LDB2: variants seen among roughly 807,000 people sequenced by gnomAD.
LDB2 encodes the protein LIM domain binding 2.
Under a neutral mutation model 44.3 loss-of-function variants are expected in LDB2, and 12 were observed. That is an observed-to-expected ratio of 0.27 (90% CI 0.17 to 0.44). The LOEUF (loss-of-function observed/expected upper bound fraction) is 0.44, where lower values mean the gene tolerates loss of function less well. LDB2 is among the 20% of genes least tolerant of loss of function. The probability of loss-of-function intolerance (pLI) is 1.00; values close to 1 mark genes in which losing one functional copy is unlikely to be tolerated. For synonymous variants in LDB2, 164 were observed against 174.8 expected, an observed-to-expected ratio of 0.94 and a Z score of 0.49; for missense variants, 344 against 473.5, an observed-to-expected ratio of 0.73 and a Z score of 2.54.
chr4:16,674,162 C>T (rs887648427), intron 2 of LDB2: 50 of 1,025,832 alleles, frequency 4.9e-5, no homozygotes, highest in Middle Eastern at 2.4e-4. Flanking sequence ...CCAGAATTCA[C>T]GCCTTAAAAC....
chr4:16,686,551 A>G (rs1012268252), intron 2 of LDB2, among the ~76,000 whole-genome samples: 3 of 152,232 alleles, frequency 2.0e-5, no homozygotes, highest in Non-Finnish European at 4.4e-5. Context: ...GAGGCAGAGA[A>G]TCTGAAAACA....
chr4:16,584,020 C>A (rs1313840465), intron 5 of LDB2, among the ~76,000 whole-genome samples: 1 of 152,168 alleles, frequency 6.6e-6, no homozygotes, highest in South Asian at 2.1e-4. Flanking sequence ...TAAATAGCTA[C>A]TGAATCACGA....
At position 16,582,005 on chromosome 4, in the gene LDB2, GGAAGGAA is replaced by G. The variant is rs1203651883; in HGVS notation, c.615+3910_615+3916del. On this transcript the variant is annotated intron_variant, in intron 5 of 7. Coordinates refer to ENST00000304523, the MANE Select transcript of LDB2 (RefSeq NM_001290.5). This position sits in a 1 kb window ranked among gnomAD's most constrained non-coding sequence, Gnocchi z 4.8. ...AAGGGAAGGAAGGGAAGGAAGGGAA[GGAAGGAA>G]GGAAGGAAGGAAGGAAGGAAGGAAG... 2.2e-4 allele frequency among the ~76,000 whole-genome samples: 6 copies of G among 27,610 alleles called. No individual in the cohort carries two copies. Among genetic ancestry groups the G allele is most frequent in the Admixed American group, 1.0e-3 (3 of 2,930 alleles). The allele number at this position is 27,610 out of a possible 152,430, so 18.1% of individuals were successfully genotyped here. A position where few individuals can be genotyped will look rare whatever the true frequency, so the allele number is the denominator to read the frequency against.
In LDB2 at chr4:16,502,537, C is replaced by G. The variant is rs933155585; in HGVS notation, c.*106G>C. On this transcript the variant is annotated 3_prime_UTR_variant, in exon 8 of 8. Coordinates refer to ENST00000304523, the MANE Select transcript of LDB2 (RefSeq NM_001290.5). ...ATTGTGGTTTAGAAATAGATATTTG[C>G]ATGGAAAAGTTTTTATCTCTTCTGT... The G allele has an allele frequency of 5.0e-6, 7 of 1,395,294 alleles. No homozygotes were observed. In the South Asian group the frequency reaches 7.7e-5, roughly 15 times the overall value. The allele number at this position is 1,395,294 out of a possible 1,614,324, so 86.4% of individuals were successfully genotyped here. A position where few individuals can be genotyped will look rare whatever the true frequency, so the allele number is the denominator to read the frequency against.
chr4:16,817,796 A>G (rs1263250688), intron 1 of LDB2, among the ~76,000 whole-genome samples: 1 of 152,178 alleles, frequency 6.6e-6, no homozygotes, highest in East Asian at 1.9e-4. Context: ...TATCGAGCGC[A>G]AGGAGTCAAT....
At chr4:16,888,106 G>A (rs562386599) in intron 1 of LDB2, among the ~76,000 whole-genome samples, 3 of 152,184 alleles carry the variant, frequency 2.0e-5, no homozygotes, top group Non-Finnish European at 2.9e-5. Context: ...TCAGGCTTCT[G>A]ACCAGTGCTG....
intron 2 of LDB2, among the ~76,000 whole-genome samples, chr4:16,740,973 C>T (rs1763128310): frequency 6.6e-6 from 1 of 152,206 alleles, no homozygotes; most frequent in Admixed American, 6.5e-5. Flanking sequence ...AGTAATGCAA[C>T]TTGTGGACAT....
intron 1 of LDB2, among the ~76,000 whole-genome samples, chr4:16,870,262 C>T (rs927971939): frequency 6.6e-6 from 1 of 152,106 alleles, no homozygotes; most frequent in East Asian, 1.9e-4. Flanking sequence ...CAACAGGACT[C>T]GCTGCATTCA....
chr4:16,512,474 C>CA (rs925217400), intron 5 of LDB2, among the ~76,000 whole-genome samples: 11 of 151,420 alleles, frequency 7.3e-5, no homozygotes, highest in African/African-American at 1.7e-4. Context: ...AACAAACAAA[C>CA]AAAAAAAACC....
At position 16,890,736 on chromosome 4, in the gene LDB2, C is replaced by A. The variant is rs188572558; in HGVS notation, c.132+7618G>T. On this transcript the variant is annotated intron_variant, in intron 1 of 7. Transcript: ENST00000304523. ...TGTCTGGTAAAGGAGAACCAGAATG[C>A]GTGCATCTCAGGCTTTGGGGGTGGA... Among the ~76,000 whole-genome samples, 5 of 152,270 alleles carry A rather than the reference C, an allele frequency of 3.3e-5. No individual in the cohort carries two copies. In the South Asian group the frequency reaches 8.3e-4, roughly 25 times the overall value.
chr4:16,526,491 TCAGC>T (rs1435115445), intron 5 of LDB2, among the ~76,000 whole-genome samples: 1 of 152,224 alleles, frequency 6.6e-6, no homozygotes, highest in Non-Finnish European at 1.5e-5. Context: ...GCAGAACTCC[TCAGC>T]CTCTGTCATC....
chr4:16,535,509 C>T (rs1019179709), intron 5 of LDB2, among the ~76,000 whole-genome samples: 8 of 152,178 alleles, frequency 5.3e-5, no homozygotes, highest in East Asian at 1.9e-4. Flanking sequence ...GACATAGTCC[C>T]TTCCTTCAAG....
At chr4:16,806,976 G>C (rs1169405420) in intron 1 of LDB2, among the ~76,000 whole-genome samples, 1 of 152,160 alleles carries the variant, frequency 6.6e-6, no homozygotes, top group Non-Finnish European at 1.5e-5. Context: ...ATTATTAGTA[G>C]TATTTTTGCG....
intron 1 of LDB2, among the ~76,000 whole-genome samples, chr4:16,788,385 T>C (rs1774956793): frequency 6.6e-6 from 1 of 152,178 alleles, no homozygotes; most frequent in Non-Finnish European, 1.5e-5. Flanking sequence ...AAGCAACCCT[T>C]GGCAACATAA....
chr4:16,771,262 G>C (rs535839933), intron 1 of LDB2, among the ~76,000 whole-genome samples: 7 of 152,100 alleles, frequency 4.6e-5, no homozygotes, highest in African/African-American at 1.2e-4. Flanking sequence ...AAAAATTTTT[G>C]TTCACAAAGA....
intron 1 of LDB2, among the ~76,000 whole-genome samples, chr4:16,819,081 GT>G (rs1273309947): frequency 7.9e-6 from 1 of 127,034 alleles, no homozygotes; most frequent in Non-Finnish European, 1.6e-5. Context: ...TTTCGTTTCA[GT>G]TGTGGTTGCT....
chr4:16,692,110 T>C (rs1212413987), intron 2 of LDB2, among the ~76,000 whole-genome samples: 1 of 151,284 alleles, frequency 6.6e-6, no homozygotes, highest in Non-Finnish European at 1.5e-5. Context: ...CTTTGATTCA[T>C]CACGAGGCAA....
intron 1 of LDB2, among the ~76,000 whole-genome samples, chr4:16,809,090 A>T (rs1779301864): frequency 6.6e-6 from 1 of 152,316 alleles, no homozygotes; most frequent in African/African-American, 2.4e-5. Flanking sequence ...TCAGGCTGAA[A>T]GTCTAAGATC....
At chr4:16,811,602 G>T (rs1372691315) in intron 1 of LDB2, among the ~76,000 whole-genome samples, 1 of 152,164 alleles carries the variant, frequency 6.6e-6, no homozygotes, top group East Asian at 1.9e-4. Context: ...TGTAAATGTA[G>T]TTTATCTAAC....
Sources: gnomAD v4.1 joint callset for allele counts (sites outside exome capture counted in the v4.1 genomes callset) on GRCh38, gnomAD v4.1.1 for gene constraint, Gnocchi (gnomAD v3.1) non-coding constraint, MANE v1.5 for transcripts, NCBI Gene and HGNC (gene_info 2026-07-23, HGNC 2026-07-21) for gene names.